The following RYR1 variants were observed in gnomAD, a reference collection of about 807,000 sequenced individuals.
RYR1 encodes the protein central core disease of muscle.
In RYR1, 342 loss-of-function variants were observed where a neutral mutation model predicts 583.5. The observed-to-expected ratio is 0.59, with a 90% CI of 0.54 to 0.64. The LOEUF (loss-of-function observed/expected upper bound fraction) is 0.64. RYR1 is among the 30% of genes least tolerant of loss of function. RYR1 has a pLI of 0.00. For synonymous variants in RYR1, 2,791 were observed against 2,822.5 expected (o/e 0.99, Z 0.35); for missense variants, 6,032 against 6,917.2 (o/e 0.87, Z 4.54).
Position 38,478,281 on chromosome 19 carries a change from C to T in RYR1, c.4455-154C>T, listed in dbSNP as rs116133611. Among the ~76,000 whole-genome samples the T allele has an allele frequency of 4.6e-3, 702 of 152,130 alleles. 4 individuals are homozygous for T. Among genetic ancestry groups the T allele is most frequent in the African/African-American group, 0.016 (670 of 41,508 alleles). The stretch of plus-strand genomic sequence containing the variant: ...TCCCAGCTCCGAAGAGCTCAGTGTC[C>T]GGGGCGAGGGGTTTCAGCTCTCAGG... On this transcript the variant is annotated intron_variant, in intron 30 of 105. Transcript: ENST00000359596.
intron 101 of RYR1, among the ~76,000 whole-genome samples, chr19:38,580,960 G>A (rs904504546): frequency 2.7e-5 from 4 of 150,652 alleles, no homozygotes; most frequent in Non-Finnish European, 4.4e-5. Context: ...GTGCAGTGGC[G>A]CAATCTCAGC....
chr19:38,533,839 T>C (rs1043202511), intron 78 of RYR1, among the ~76,000 whole-genome samples: 13 of 151,562 alleles, frequency 8.6e-5, no homozygotes, highest in East Asian at 3.9e-4. Context: ...AATTGAGAAG[T>C]AGTGATGAAC....
intron 89 of RYR1, among the ~76,000 whole-genome samples, chr19:38,557,582 G>A (rs1424749175): frequency 6.6e-6 from 1 of 152,154 alleles, no homozygotes; most frequent in Non-Finnish European, 1.5e-5. Context: ...CTGAAAAATG[G>A]GAACAAGAGG....
Position 38,469,295 on chromosome 19 carries a change from C to T in RYR1, c.3557-10C>T. ...GCCCTCACCCCTGCCCATCCATCCC[C>T]TCCCACCAGGCTTCCTGCCCGTCTG... On this transcript the variant is annotated splice_polypyrimidine_tract_variant and intron_variant, in intron 26 of 105. Transcript: ENST00000359596. 1.9e-6 allele frequency: 3 copies of T among 1,613,726 alleles called. No homozygotes were observed. Among genetic ancestry groups the T allele is most frequent in the Non-Finnish European group, 1.7e-6 (2 of 1,179,998 alleles).
intron 89 of RYR1, among the ~76,000 whole-genome samples, chr19:38,549,401 G>T (rs545621428): frequency 6.4e-4 from 98 of 152,148 alleles, no homozygotes; most frequent in African/African-American, 2.3e-3. Flanking sequence ...AGATCAGCCT[G>T]GGCAACCTAG....
intron 87 of RYR1, 37 bp from the exon 88 acceptor site, chr19:38,546,408 A>G: frequency 6.3e-7 from 1 of 1,578,260 alleles, no homozygotes; most frequent in Non-Finnish European, 8.7e-7. Flanking sequence ...GGGGAGGTGT[A>G]TGCTGAGACC....
intron 89 of RYR1, among the ~76,000 whole-genome samples, chr19:38,550,478 C>T (rs1421780072): frequency 6.6e-6 from 1 of 152,102 alleles, no homozygotes; most frequent in Non-Finnish European, 1.5e-5. Context: ...TATTAGGAGG[C>T]ACATGTGGTT....
rs753957594 is a variant in RYR1, at chr19:38,489,317, G to A, written c.5688G>A (p.Glu1896=). The change falls in exon 35 of 106, where the codon GAG becomes GAA. Residue 1896 remains glutamate, a synonymous_variant. Transcript: ENST00000359596. Reference sequence around the variant, plus strand: ...ATGAGGAGGAGAAGGAGGAGGATGAGGAGGAAACAGCACAGGAAAAGGAAG... The same window carrying A: ...ATGAGGAGGAGAAGGAGGAGGATGAAGAGGAAACAGCACAGGAAAAGGAAG... ...EEDEEEKEED[E]EETAQEKEDE... 4 of 1,604,566 alleles carry A rather than the reference G, an allele frequency of 2.5e-6. No individual in the cohort carries two copies. Among genetic ancestry groups the A allele is most frequent in the South Asian group, 1.1e-5 (1 of 90,886 alleles).
chr19:38,514,589 A>G (rs1196939061), intron 63 of RYR1, among the ~76,000 whole-genome samples: 1 of 152,064 alleles, frequency 6.6e-6, no homozygotes, highest in African/African-American at 2.4e-5. Context: ...CTAAAAATAT[A>G]TACATTTTAA....
Position 38,496,854 on chromosome 19 carries a change from C to T in RYR1, c.6797-6C>T. On this transcript the variant is annotated splice_polypyrimidine_tract_variant and splice_region_variant and intron_variant, in intron 41 of 105. Transcript: ENST00000359596. The surrounding 1 kb of genome is among the most constrained non-coding windows in gnomAD (Gnocchi z 4.8). ...GAGATGTTCTCCCCACCTCTCGCCC[C>T]TGCAGGCATGCAGGGCTCCACGCCC... 1.2e-6 allele frequency: 2 copies of T among 1,612,816 alleles called. No homozygotes were observed. Among genetic ancestry groups the T allele is most frequent in the African/African-American group, 1.3e-5 (1 of 75,040 alleles).
At position 38,586,021 on chromosome 19, in the gene RYR1, T is replaced by G. The variant is rs1599676671; in HGVS notation, c.14868+19T>G. The G allele has an allele frequency of 1.2e-6, 2 of 1,613,624 alleles. No homozygotes were observed. The highest frequency in any genetic ancestry group is 1.7e-6 in the Non-Finnish European group (2 of 1,179,858). On this transcript the variant is annotated intron_variant, in intron 103 of 105. Coordinates refer to ENST00000359596, the MANE Select transcript of RYR1 (RefSeq NM_000540.3). ...TATGGAGGTAGGTCATGTCTGGGGG[T>G]GACCCAGAGGGATTACGGGATTCAG... is the stretch of plus-strand genomic sequence containing the variant.
chr19:38,464,735 A>C lies in RYR1; in HGVS notation c.2870+13A>C, dbSNP rs1375321060. 2 of 1,568,192 alleles carry C rather than the reference A, an allele frequency of 1.3e-6. No homozygotes were observed. Among genetic ancestry groups the C allele is most frequent in the South Asian group, 2.3e-5 (2 of 85,288 alleles). ...AACTCCCCAAGACGTGAGTGTGGGC[A>C]GCCAGGTCCCGTCTGGGGATGGACT... On this transcript the variant is annotated intron_variant, in intron 23 of 105. Coordinates refer to ENST00000359596, the MANE Select transcript of RYR1 (RefSeq NM_000540.3).
intron 15 of RYR1, 38 bp from the exon 16 acceptor site, chr19:38,455,589 GATGGGC>G: frequency 6.2e-7 from 1 of 1,611,050 alleles, no homozygotes. Flanking sequence ...TGTGGGAGGG[GATGGGC>G]ATGGCCGCTT....
rs753260772 is a variant in RYR1, at chr19:38,527,017, G to A, written c.10651G>A (p.Glu3551Lys). The change falls in exon 72 of 106, where the codon GAA becomes AAA. Residue 3551 changes from glutamate to lysine, a missense_variant. This residue lies in a region of RYR1 where 1,493 missense variants were observed against 1,715.5 expected (regional missense o/e 0.87). Transcript: ENST00000359596. ...ALKDTDEEVR[E>K]FLHNNLHLQG... ...GAAAGACACAGATGAGGAGGTCCGG[G>A]AATTTCTGCACAACAACCTTCACCT... 3 of 1,613,864 alleles carry A rather than the reference G, an allele frequency of 1.9e-6. No homozygotes were observed. The highest frequency in any genetic ancestry group is 2.5e-6 in the Non-Finnish European group (3 of 1,179,940).
chr19:38,473,642 C>G lies in RYR1; in HGVS notation c.4031C>G (p.Ala1344Gly), dbSNP rs1210641881. The change falls in exon 28 of 106, where the codon GCA (alanine) becomes GGA (glycine). Residue 1344 changes from alanine to glycine, a missense_variant. Ala to Gly is a moderately conservative substitution (Grantham distance 60, BLOSUM62 0). Coordinates refer to ENST00000359596, the MANE Select transcript of RYR1 (RefSeq NM_000540.3). ...CGCTCAGCTGGGGGCTGGAGCGAGG[C>G]AGAGAACGGCAAAGAAGGGACTGCG... ...LRRSAGGWSEAENGKEGTAKE... is the reference protein window; with the variant it reads ...LRRSAGGWSEGENGKEGTAKE... The G allele has an allele frequency of 6.4e-7, 1 of 1,558,196 alleles. No individual in the cohort carries two copies. The highest frequency in any genetic ancestry group is 8.7e-7 in the Non-Finnish European group (1 of 1,151,108).
chr19:38,570,184 G>A (rs866965378), intron 93 of RYR1, among the ~76,000 whole-genome samples: 5 of 151,888 alleles, frequency 3.3e-5, no homozygotes, highest in African/African-American at 7.3e-5. Flanking sequence ...TAGGCTGGAC[G>A]TGGTGGCTCA....
At position 38,490,281 on chromosome 19, in the gene RYR1, T is replaced by C. The variant is rs1322310368; in HGVS notation, c.6015+5T>C. On this transcript the variant is annotated splice_donor_5th_base_variant and intron_variant, in intron 36 of 105. Transcript: ENST00000359596. ...CGCTCCCCACCCCAGGAACAGGTCA[T>C]CTGACCCCTGACGCTGGCCACTTTT... 6.2e-7 allele frequency: 1 copy of C among 1,613,072 alleles called. No individual in the cohort carries two copies. The highest frequency in any genetic ancestry group is 2.2e-5 in the East Asian group (1 of 44,828).
chr19:38,561,219 G>A lies in RYR1; in HGVS notation c.12389G>A (p.Arg4130His), dbSNP rs780410435. 1.2e-5 allele frequency: 20 copies of A among 1,614,076 alleles called. No homozygotes were observed. Among genetic ancestry groups the A allele is most frequent in the Non-Finnish European group, 1.7e-5 (20 of 1,180,018 alleles). ...ATCAACTGCGAAGAGTTCGCCAACC[G>A]CTTCCAGGAGCCAGCACGCGACATC... ...EMINCEEFANRFQEPARDIGF... is the reference protein window; with the variant it reads ...EMINCEEFANHFQEPARDIGF... The change falls in exon 90 of 106, where the codon CGC (arginine) becomes CAC (histidine). Residue 4130 changes from arginine (R) to histidine (H), a missense_variant. Arg to His is a conservative substitution (Grantham distance 29, BLOSUM62 0). Coordinates refer to ENST00000359596, the MANE Select transcript of RYR1 (RefSeq NM_000540.3). The surrounding 1 kb of genome is among the most constrained non-coding windows in gnomAD (Gnocchi z 4.8).
rs564066865 is a variant in RYR1, at chr19:38,450,152, G to C, written c.1122+1339G>C. Among the ~76,000 whole-genome samples the C allele has an allele frequency of 1.7e-3, 265 of 152,290 alleles. 1 individual carries two copies. Among genetic ancestry groups the C allele is most frequent in the Middle Eastern group, 3.4e-3 (1 of 294 alleles). Reference sequence around the variant, plus strand: ...GTCTCTGGGAACAGACTACGGTCAGGGGACAGAGCCAGAGCAGGGAGACCA... The same window carrying C: ...GTCTCTGGGAACAGACTACGGTCAGCGGACAGAGCCAGAGCAGGGAGACCA... On this transcript the variant is annotated intron_variant, in intron 11 of 105. Transcript: ENST00000359596.
Sources: allele counts gnomAD v4.1 joint callset (sites outside exome capture counted in the v4.1 genomes callset), GRCh38; gene constraint gnomAD v4.1.1; regional missense constraint gnomAD v4.1.1; non-coding constraint Gnocchi (gnomAD v3.1); transcripts MANE v1.5; gene names NCBI Gene and HGNC (gene_info 2026-07-23, HGNC 2026-07-21).